Variants in FILIP1 observed in about 807,000 individuals in gnomAD.
FILIP1 encodes filamin-A-interacting protein 1.
FILIP1 carries 61 observed loss-of-function variants against 102.1 expected under a neutral mutation model. The ratio of observed to expected loss-of-function variants is 0.60; its 90% CI spans 0.49 to 0.74. The LOEUF (loss-of-function observed/expected upper bound fraction) is 0.74. Ranked by LOEUF, FILIP1 falls within the 30% of genes least tolerant of loss-of-function variation. The pLI, the probability that FILIP1 is intolerant of heterozygous loss-of-function variation, is 0.00. For missense variants in FILIP1, 1,314 were observed against 1,441.2 expected (o/e 0.91, Z 1.43); for synonymous variants, 491 against 526.9 (o/e 0.93, Z 0.93).
chr6:75,456,273 C>A (rs1049565817), intron 1 of FILIP1, among the ~76,000 whole-genome samples: 2 of 152,180 alleles, frequency 1.3e-5, no homozygotes, highest in East Asian at 1.9e-4. Context: ...GACAGCCCCC[C>A]ACCCCAACAA....
chr6:75,433,637 G>A (rs1451492182), intron 1 of FILIP1, among the ~76,000 whole-genome samples: 1 of 152,164 alleles, frequency 6.6e-6, no homozygotes, highest in Non-Finnish European at 1.5e-5. Context: ...TGTTCACTCT[G>A]AGGATAGTTT....
chr6:75,487,652 C>T (rs1562670412), intron 1 of FILIP1, among the ~76,000 whole-genome samples: 1 of 151,642 alleles, frequency 6.6e-6, no homozygotes, highest in Non-Finnish European at 1.5e-5. Flanking sequence ...TGCCAGCAGT[C>T]TATTGTTTTC....
chr6:75,297,393 G>A (rs1481131193), intron 6 of FILIP1, among the ~76,000 whole-genome samples: 1 of 152,126 alleles, frequency 6.6e-6, no homozygotes, highest in Non-Finnish European at 1.5e-5. Context: ...AATAGGTGGA[G>A]CTATTTCCAT....
chr6:75,298,186 T>C (rs1772736044), intron 6 of FILIP1, among the ~76,000 whole-genome samples: 1 of 152,216 alleles, frequency 6.6e-6, no homozygotes, highest in Non-Finnish European at 1.5e-5. Flanking sequence ...AACAATGTCT[T>C]GGTTGGACCA....
rs188681144 is a variant in FILIP1 at position 75,486,295 on chromosome 6, C to T, written c.-7+7119G>A. Among the ~76,000 whole-genome samples, 6 of 152,234 alleles carry T rather than the reference C, an allele frequency of 3.9e-5. No homozygotes were observed. The East Asian group carries it at 1.2e-3, about 29-fold the overall frequency. On this transcript the variant is annotated intron_variant, in intron 1 of 5. Coordinates refer to ENST00000237172, the MANE Select transcript of FILIP1 (RefSeq NM_015687.5). ...CAACCCAGCGTGTAGAAACCAAGAA[C>T]CACATTGCCCCATCAACAACTGGAA...
chr6:75,320,024 G>A (rs149688071), intron 4 of FILIP1: 104 of 280,812 alleles, frequency 3.7e-4, no homozygotes, highest in African/African-American at 2.2e-3. Context: ...CCCAGTGCCG[G>A]TCCGGCTCTC....
chr6:75,455,048 T>C (rs1246633111), intron 1 of FILIP1: 1 of 146,494 alleles, frequency 6.8e-6, no homozygotes, highest in East Asian at 2.0e-4. Flanking sequence ...CTGGCCTCTT[T>C]GGGGATGGAA....
downstream of FILIP1, among the ~76,000 whole-genome samples, chr6:75,306,135 A>G (rs191202901): frequency 1.4e-4 from 22 of 152,342 alleles, no homozygotes; most frequent in Admixed American, 1.4e-3. Context: ...GGGCTCTAAA[A>G]TTACAAAGAA....
At chr6:75,385,217 C>A (rs1776048158) in intron 2 of FILIP1, among the ~76,000 whole-genome samples, 1 of 152,076 alleles carries the variant, frequency 6.6e-6, no homozygotes. Flanking sequence ...GATTCTCAGA[C>A]CAGAGATCTC....
At chr6:75,443,217 A>G (rs960017595) in intron 1 of FILIP1, among the ~76,000 whole-genome samples, 1 of 152,202 alleles carries the variant, frequency 6.6e-6, no homozygotes, top group African/African-American at 2.4e-5. Flanking sequence ...TATTATCCAA[A>G]TTATACTATT....
intron 2 of FILIP1, among the ~76,000 whole-genome samples, chr6:75,380,967 A>G (rs1458577302): frequency 1.3e-5 from 2 of 152,168 alleles, no homozygotes; most frequent in African/African-American, 4.8e-5. Flanking sequence ...TTGTTTTTCA[A>G]ACTTGTTTTT....
At chr6:75,339,912 C>T (rs764665416) in intron 4 of FILIP1, among the ~76,000 whole-genome samples, 25 of 152,124 alleles carry the variant, frequency 1.6e-4, no homozygotes, top group Non-Finnish European at 3.7e-4. Flanking sequence ...CACACCACTG[C>T]ACTCCAGCCT....
intron 6 of FILIP1, among the ~76,000 whole-genome samples, chr6:75,299,622 C>A (rs1480503591): frequency 6.6e-6 from 1 of 151,972 alleles, no homozygotes; most frequent in African/African-American, 2.4e-5. Context: ...GAGACAATTT[C>A]CCCTATATGT....
chr6:75,441,582 C>G (rs867539816), intron 1 of FILIP1, among the ~76,000 whole-genome samples: 4 of 150,824 alleles, frequency 2.7e-5, no homozygotes, highest in African/African-American at 4.9e-5. Flanking sequence ...CCTCTCCTCC[C>G]GGACGGGGCG....
At chr6:75,351,916 T>A (rs1388769750) in intron 4 of FILIP1, among the ~76,000 whole-genome samples, 1 of 152,196 alleles carries the variant, frequency 6.6e-6, no homozygotes, top group Non-Finnish European at 1.5e-5. Flanking sequence ...TACTCCAGGA[T>A]GTCGAATCAG....
intron 1 of FILIP1, among the ~76,000 whole-genome samples, chr6:75,441,599 C>T (rs1158002940): frequency 6.7e-6 from 1 of 149,930 alleles, no homozygotes; most frequent in Non-Finnish European, 1.5e-5. Flanking sequence ...GGCGGCTGGC[C>T]GGGCAGGGGG....
At chr6:75,325,515 A>G (rs1005918739) in intron 4 of FILIP1, among the ~76,000 whole-genome samples, 2 of 152,238 alleles carry the variant, frequency 1.3e-5, no homozygotes, top group African/African-American at 4.8e-5. Flanking sequence ...ACTAATATCC[A>G]GAATTTATAA....
chr6:75,362,550 G>C (rs969286723), intron 3 of FILIP1, among the ~76,000 whole-genome samples, 194 bp downstream of exon 3: 1 of 152,182 alleles, frequency 6.6e-6, no homozygotes, highest in African/African-American at 2.4e-5. Context: ...TGTTTAAAGA[G>C]AAGCTTCTAC....
At chr6:75,457,608 C>A (rs1322183752) in intron 1 of FILIP1, among the ~76,000 whole-genome samples, 1 of 139,490 alleles carries the variant, frequency 7.2e-6, no homozygotes, top group Non-Finnish European at 1.6e-5. Context: ...TTATTTCAAA[C>A]AAAGTCTCTC....
Sources: allele counts gnomAD v4.1 joint callset (sites outside exome capture counted in the v4.1 genomes callset), GRCh38; gene constraint gnomAD v4.1.1; transcripts MANE v1.5; gene names NCBI Gene and HGNC (gene_info 2026-07-23, HGNC 2026-07-21).